TMEM131: variants seen among roughly 807,000 people sequenced by gnomAD.
The protein encoded by TMEM131 is transmembrane protein 131.
In TMEM131, 66 loss-of-function variants were observed where a neutral mutation model predicts 211.6. The observed-to-expected ratio is 0.31, with a 90% CI of 0.26 to 0.38. The LOEUF (loss-of-function observed/expected upper bound fraction) is 0.38. Ranked by LOEUF, TMEM131 falls within the 10% of genes least tolerant of loss-of-function variation. TMEM131 has a pLI of 1.00. For missense variants in TMEM131, 2,036 were observed against 2,299.3 expected (o/e 0.89, Z 2.34); for synonymous variants, 844 against 841.3 (o/e 1.00, Z -0.06).
chr2:97,778,022 C>G (rs1573344869), intron 31 of TMEM131, among the ~76,000 whole-genome samples: 1 of 152,282 alleles, frequency 6.6e-6, no homozygotes. Context: ...ATTTCCCATA[C>G]AGTCAAGATC....
At position 97,776,144 on chromosome 2, in the gene TMEM131, C is replaced by G; in HGVS notation, c.4145-126G>C. The G allele has an allele frequency of 3.3e-6, 3 of 908,876 alleles. No homozygotes were observed. The South Asian group carries it at 5.3e-5, about 16-fold the overall frequency. The allele number at this position is 908,876 out of a possible 1,614,324, so 56.3% of individuals were successfully genotyped here. A position where few individuals can be genotyped will look rare whatever the true frequency, so the allele number is the denominator to read the frequency against. On this transcript the variant is annotated intron_variant, in intron 31 of 40. Transcript: ENST00000186436. Reference sequence around the variant, plus strand: ...TCTTGGCTCACTGCAAGCTCCGCCTCCCGGGTTCACACCATTCTCCTGCCT... The same window carrying G: ...TCTTGGCTCACTGCAAGCTCCGCCTGCCGGGTTCACACCATTCTCCTGCCT...
At chr2:97,864,256 T>C (rs1394688088) in intron 4 of TMEM131, among the ~76,000 whole-genome samples, 1 of 151,922 alleles carries the variant, frequency 6.6e-6, no homozygotes, top group Non-Finnish European at 1.5e-5. Flanking sequence ...TGGGTAGAAA[T>C]GGGGATGATT....
chr2:97,967,516 G>C (rs76801071), intron 1 of TMEM131, among the ~76,000 whole-genome samples: 1 of 141,758 alleles, frequency 7.1e-6, no homozygotes, highest in Non-Finnish European at 1.6e-5. Context: ...AAAGGAAAGA[G>C]AAAAAAAAAA....
Position 97,760,882 on chromosome 2 carries a change from T to G in TMEM131, c.4922A>C (p.Lys1641Thr). The change falls in exon 37 of 41, where the codon AAA becomes ACA. Residue 1641 changes from lysine (K) to threonine (T), a missense_variant. Coordinates refer to ENST00000186436, the MANE Select transcript of TMEM131 (RefSeq NM_015348.2). Reference protein sequence around the residue: ...DPKIKQPNGSKHKLTKAASLP... With the variant: ...DPKIKQPNGSTHKLTKAASLP... ...CGAGGCTGCCTTTGTCAACTTGTGT[T>G]TGCTTCCATTTGGCTGTTTTATTTT... 1 of 1,614,004 alleles carries G rather than the reference T, an allele frequency of 6.2e-7. No homozygotes were observed. The highest frequency in any genetic ancestry group is 8.5e-7 in the Non-Finnish European group (1 of 1,179,898).
intron 4 of TMEM131, among the ~76,000 whole-genome samples, chr2:97,884,538 T>A (rs1331441635): frequency 6.6e-6 from 1 of 152,224 alleles, no homozygotes; most frequent in Non-Finnish European, 1.5e-5. Context: ...CCCAACTCTA[T>A]TATTGTACTG....
chr2:97,807,384 A>C (rs1681356992), intron 19 of TMEM131, among the ~76,000 whole-genome samples: 1 of 152,264 alleles, frequency 6.6e-6, no homozygotes, highest in African/African-American at 2.4e-5. Context: ...CGTAGTAATG[A>C]GTTCTCATGC....
chr2:97,815,661 G>A (rs771849388), intron 12 of TMEM131, among the ~76,000 whole-genome samples: 1 of 152,090 alleles, frequency 6.6e-6, no homozygotes, highest in Non-Finnish European at 1.5e-5. Context: ...TTAATTCTTC[G>A]TTGCGGAGGC....
At chr2:97,766,978 C>T (rs1276412450) in intron 33 of TMEM131, among the ~76,000 whole-genome samples, 1 of 152,160 alleles carries the variant, frequency 6.6e-6, no homozygotes, top group Non-Finnish European at 1.5e-5. Context: ...TGAGTCTCTC[C>T]CAGCATCTAG....
chr2:97,937,077 C>T (rs1260071501), intron 1 of TMEM131, among the ~76,000 whole-genome samples: 1 of 152,018 alleles, frequency 6.6e-6, no homozygotes, highest in Non-Finnish European at 1.5e-5. Flanking sequence ...AAAATGCAAT[C>T]AACAGTAATG....
At chr2:97,853,415 T>G (rs1573461888) in intron 5 of TMEM131, among the ~76,000 whole-genome samples, 2 of 123,706 alleles carry the variant, frequency 1.6e-5, no homozygotes, top group Non-Finnish European at 3.3e-5. Flanking sequence ...GCCAACATGG[T>G]GAAATCCCAT....
At chr2:97,759,455 G>A (rs569575618) in intron 39 of TMEM131, 197 bp downstream of exon 39, 9 of 581,122 alleles carry the variant, frequency 1.5e-5, no homozygotes, top group Admixed American at 6.0e-5. Context: ...ACACCGTGTC[G>A]AGCCTGGTCC....
Position 97,893,659 on chromosome 2 carries a change from T to A in TMEM131, c.291-5539A>T, listed in dbSNP as rs558198261. ...AATGACCAGTGATGATGAGCTTTTT[T>A]AAATATGTTTGTTGGCCGCATAAAT... On this transcript the variant is annotated intron_variant, in intron 3 of 40. Coordinates refer to ENST00000186436, the MANE Select transcript of TMEM131 (RefSeq NM_015348.2). Among the ~76,000 whole-genome samples the A allele has an allele frequency of 8.0e-4, 122 of 152,362 alleles. 1 individual carries two copies. Among genetic ancestry groups the A allele is most frequent in the East Asian group, 3.3e-3 (17 of 5,194 alleles).
At chr2:97,972,639 A>C (rs1418135384) in intron 1 of TMEM131, among the ~76,000 whole-genome samples, 1 of 152,178 alleles carries the variant, frequency 6.6e-6, no homozygotes, top group Non-Finnish European at 1.5e-5. Flanking sequence ...GAATATGCCA[A>C]ATCACATGGC....
At chr2:97,874,124 G>A (rs1209131117) in intron 4 of TMEM131, among the ~76,000 whole-genome samples, 2 of 152,174 alleles carry the variant, frequency 1.3e-5, no homozygotes, top group Non-Finnish European at 2.9e-5. Context: ...AAGGATATCA[G>A]TGATTGAAGA....
At chr2:97,936,316 C>A (rs1166782628) in intron 1 of TMEM131, among the ~76,000 whole-genome samples, 1 of 152,194 alleles carries the variant, frequency 6.6e-6, no homozygotes, top group Non-Finnish European at 1.5e-5. Flanking sequence ...TCTAGAAGGT[C>A]CTGTGTACGC....
chr2:97,924,223 A>C (rs1457221875), intron 2 of TMEM131, among the ~76,000 whole-genome samples: 4 of 152,098 alleles, frequency 2.6e-5, no homozygotes, highest in African/African-American at 9.7e-5. Flanking sequence ...CTCTATAAAA[A>C]ATACAAAAAA....
chr2:97,975,244 G>GA (rs71386041), intron 1 of TMEM131, among the ~76,000 whole-genome samples: 13 of 138,974 alleles, frequency 9.4e-5, no homozygotes, highest in Middle Eastern at 3.3e-3. Context: ...AGTAAGCAAA[G>GA]AAAAAAAAAA....
Position 97,762,017 on chromosome 2 carries a change from A to G in TMEM131, c.4889+18T>C, listed in dbSNP as rs757293162. On this transcript the variant is annotated intron_variant, in intron 36 of 40. Transcript: ENST00000186436. Reference sequence around the variant, plus strand: ...GCACATTTCAAGCTGAGAACCGGAAAGGAAGCAGCAGGCCTACCTGCTGGA... The same window carrying G: ...GCACATTTCAAGCTGAGAACCGGAAGGGAAGCAGCAGGCCTACCTGCTGGA... 1.5e-5 allele frequency: 23 copies of G among 1,537,314 alleles called. No individual in the cohort carries two copies. In the South Asian group the frequency reaches 2.7e-4, roughly 18 times the overall value.
chr2:97,809,547 T>G, intron 19 of TMEM131, 141 bp downstream of exon 19: 1 of 639,296 alleles, frequency 1.6e-6, no homozygotes, highest in Middle Eastern at 2.6e-4. Context: ...TCTTTACATC[T>G]TCTAAAGAAC....
Sources: gnomAD v4.1 joint callset for allele counts (sites outside exome capture counted in the v4.1 genomes callset) on GRCh38, gnomAD v4.1.1 for gene constraint, MANE v1.5 for transcripts, NCBI Gene and HGNC (gene_info 2026-07-23, HGNC 2026-07-21) for gene names.